Variants in KPNA3 observed in about 807,000 individuals in gnomAD.
The protein encoded by KPNA3 is karyopherin subunit alpha 3, also known as importin subunit alpha-4.
Under a neutral mutation model 73.8 loss-of-function variants are expected in KPNA3, and 13 were observed. The observed-to-expected ratio is 0.18, with a 90% CI of 0.11 to 0.28. KPNA3 has a LOEUF of 0.28. Ranked by LOEUF, KPNA3 falls within the 10% of genes least tolerant of loss-of-function variation. The pLI is 1.00. For missense variants in KPNA3, 360 were observed against 618.1 expected, an observed-to-expected ratio of 0.58 and a Z score of 4.43; for synonymous variants, 186 against 206.9, an observed-to-expected ratio of 0.90 and a Z score of 0.87.
At chr13:49,780,498 A>C (rs1954932518) in intron 1 of KPNA3, among the ~76,000 whole-genome samples, 1 of 151,800 alleles carries the variant, frequency 6.6e-6, no homozygotes, top group Non-Finnish European at 1.5e-5. Flanking sequence ...GTTACTCCCA[A>C]ACTCCCCATC....
chr13:49,776,015 CCCA>C (rs1196586375), intron 1 of KPNA3, among the ~76,000 whole-genome samples: 8 of 152,140 alleles, frequency 5.3e-5, no homozygotes, highest in Non-Finnish European at 8.8e-5. Flanking sequence ...TTGCACTAGC[CCCA>C]CATCCACAAA....
At chr13:49,768,838 T>C (rs1004017386) in intron 1 of KPNA3, among the ~76,000 whole-genome samples, 1 of 152,182 alleles carries the variant, frequency 6.6e-6, no homozygotes, top group Non-Finnish European at 1.5e-5. Flanking sequence ...GCGAATTTTT[T>C]TGGACTCACT....
intron 10 of KPNA3, among the ~76,000 whole-genome samples, chr13:49,719,249 TAA>T (rs1566337091): frequency 6.6e-6 from 1 of 152,150 alleles, no homozygotes; most frequent in Non-Finnish European, 1.5e-5. Context: ...ATACTATATC[TAA>T]AAAGACTGTA....
chr13:49,713,634 AACAC>A (rs66994650), intron 10 of KPNA3, among the ~76,000 whole-genome samples: 32,473 of 140,764 alleles, frequency 0.23, 4,206 homozygotes, highest in Non-Finnish European at 0.31. Flanking sequence ...TCTTAGGTGA[AACAC>A]ACACACACAC....
chr13:49,710,003 T>C (rs773957036), intron 11 of KPNA3, among the ~76,000 whole-genome samples: 2 of 152,182 alleles, frequency 1.3e-5, no homozygotes, highest in Non-Finnish European at 2.9e-5. Context: ...GGCTCATGCC[T>C]ATAATCCCAG....
intron 2 of KPNA3, among the ~76,000 whole-genome samples, chr13:49,739,500 T>C (rs752104123): frequency 1.4e-4 from 22 of 152,140 alleles, no homozygotes; most frequent in Non-Finnish European, 2.8e-4. Context: ...TGTTGATGCA[T>C]AAAAGCCTCT....
rs781338907 is a variant in KPNA3, at chr13:49,751,618, C to T, written c.70-4625G>A. Among the ~76,000 whole-genome samples the T allele has an allele frequency of 2.6e-5, 4 of 152,256 alleles. No individual in the cohort carries two copies. In the South Asian group the frequency reaches 8.3e-4, roughly 32 times the overall value. On this transcript the variant is annotated intron_variant, in intron 1 of 16. Coordinates refer to ENST00000261667, the MANE Select transcript of KPNA3 (RefSeq NM_002267.4). ...CAAACTTAAACTCCACAGACAAAAC[C>T]TACAAGAGGGCCAGGCACAGTGGCT... is the stretch of plus-strand genomic sequence containing the variant.
chr13:49,714,292 AAAAC>A (rs1213879500), intron 10 of KPNA3, among the ~76,000 whole-genome samples: 1 of 152,216 alleles, frequency 6.6e-6, no homozygotes, highest in Non-Finnish European at 1.5e-5. Flanking sequence ...AAAAAAACAA[AAAAC>A]AAACAAAAAA....
intron 15 of KPNA3, 132 bp downstream of exon 15, chr13:49,705,489 G>A: frequency 2.1e-6 from 2 of 957,076 alleles, no homozygotes; most frequent in East Asian, 2.5e-5. Context: ...AGTGAATAAA[G>A]AAAAGCAACA....
intron 1 of KPNA3, among the ~76,000 whole-genome samples, chr13:49,762,793 C>A (rs1954778533): frequency 6.6e-6 from 1 of 151,894 alleles, no homozygotes; most frequent in Non-Finnish European, 1.5e-5. Flanking sequence ...ATCTGCTGAC[C>A]TTCCCTCCAC....
At chr13:49,706,021 C>G (rs954148378) in intron 14 of KPNA3, 77 bp downstream of exon 14, 3 of 1,295,348 alleles carry the variant, frequency 2.3e-6, no homozygotes, top group Non-Finnish European at 3.3e-6. Context: ...ACAATACAGT[C>G]AGCAACTACG....
intron 2 of KPNA3, among the ~76,000 whole-genome samples, chr13:49,746,291 T>A (rs1954616998): frequency 6.6e-6 from 1 of 151,786 alleles, no homozygotes; most frequent in Non-Finnish European, 1.5e-5. Flanking sequence ...CTACAAAAAA[T>A]AAACAAAAAT....
At position 49,792,541 on chromosome 13, in the gene KPNA3, G is replaced by GGCT. The variant is rs1955044878; in HGVS notation, c.-38_-36dup. ...CGGCTCCGGCGGCGGCTACTCCTGCGGCTGCGGCGGCGGCGGCGGCGAATC... is the reference window on the plus strand; with the variant it reads ...CGGCTCCGGCGGCGGCTACTCCTGCGGCTGCTGCGGCGGCGGCGGCGGCGAATC... On this transcript the variant is annotated 5_prime_UTR_variant, in exon 1 of 17. Coordinates refer to ENST00000261667, the MANE Select transcript of KPNA3 (RefSeq NM_002267.4). 4 of 1,512,366 alleles carry GGCT rather than the reference G, an allele frequency of 2.6e-6. No homozygotes were observed. The highest frequency in any genetic ancestry group is 1.8e-5 in the Admixed American group (1 of 54,620). 93.7% of individuals were successfully genotyped at this position (1,512,366 alleles called of 1,614,324 possible).
Position 49,775,162 on chromosome 13 carries a change from CAAA to C in KPNA3, c.69+17273_69+17275del, listed in dbSNP as rs60494803. Among the ~76,000 whole-genome samples the C allele has an allele frequency of 6.1e-3, 567 of 92,870 alleles. 2 individuals are homozygous for C. Among genetic ancestry groups the C allele is most frequent in the African/African-American group, 0.026 (525 of 20,126 alleles). 60.9% of individuals were successfully genotyped at this position (92,870 alleles called of 152,430 possible). On this transcript the variant is annotated intron_variant, in intron 1 of 16. Transcript: ENST00000261667. The stretch of plus-strand genomic sequence containing the variant: ...CAGACGACAGAGTGAGACTCTGTCT[CAAA>C]AAAAAAAAAAAAAAAAAAAAAGAAA...
At chr13:49,768,565 CAATTTT>C (rs1470259980) in intron 1 of KPNA3, among the ~76,000 whole-genome samples, 1 of 95,306 alleles carries the variant, frequency 1.0e-5, no homozygotes, top group African/African-American at 4.0e-5. Context: ...TTGGGTTAAT[CAATTTT>C]TTTTTTTTTT....
In KPNA3 at chr13:49,719,781, A is replaced by C; in HGVS notation, c.765T>G (p.Asp255Glu). 6.2e-7 allele frequency: 1 copy of C among 1,600,980 alleles called. No homozygotes were observed. Among genetic ancestry groups the C allele is most frequent in the Non-Finnish European group, 8.5e-7 (1 of 1,169,614 alleles). ...AAGCTGCTTCTTAACTTACGTTTAT[A>C]TCTGTATGGTATATGAGGACACATA... ...PALCVLIYHT[D>E]INILVDTVWA... Residue 255 changes from aspartate to glutamate, a missense_variant, in exon 10 of 17, where the codon GAT becomes GAG. Transcript: ENST00000261667.
intron 1 of KPNA3, among the ~76,000 whole-genome samples, chr13:49,771,072 G>T (rs1249686325): frequency 2.1e-5 from 3 of 145,340 alleles, no homozygotes; most frequent in East Asian, 2.0e-4. Context: ...GTTATTCAGG[G>T]TCCTTTGCAA....
intron 6 of KPNA3, among the ~76,000 whole-genome samples, chr13:49,727,124 G>C (rs925724927): frequency 2.0e-5 from 3 of 152,028 alleles, no homozygotes; most frequent in Non-Finnish European, 4.4e-5. Flanking sequence ...TATAAACAGG[G>C]AAGAGAGCAA....
At chr13:49,784,165 C>T (rs538327751) in intron 1 of KPNA3, among the ~76,000 whole-genome samples, 4 of 152,226 alleles carry the variant, frequency 2.6e-5, no homozygotes, top group Non-Finnish European at 5.9e-5. Context: ...AGGAGGATCG[C>T]TTGAGCCATG....
Sources: gnomAD v4.1 joint callset for allele counts (sites outside exome capture counted in the v4.1 genomes callset) on GRCh38, gnomAD v4.1.1 for gene constraint, MANE v1.5 for transcripts, NCBI Gene and HGNC (gene_info 2026-07-23, HGNC 2026-07-21) for gene names.